RAVER2: variants seen among roughly 807,000 people sequenced by gnomAD.
RAVER2 encodes the protein ribonucleoprotein, PTB binding 2.
RAVER2 carries 46 observed loss-of-function variants against 78.1 expected under a neutral mutation model. The ratio of observed to expected loss-of-function variants is 0.59; its 90% CI spans 0.46 to 0.75. The LOEUF (loss-of-function observed/expected upper bound fraction) is 0.75, where lower values mean the gene tolerates loss of function less well. RAVER2 is among the 30% of genes least tolerant of loss of function. RAVER2 has a pLI of 0.00. For synonymous variants in RAVER2, 311 were observed against 313.3 expected, an observed-to-expected ratio of 0.99 and a Z score of 0.08; for missense variants, 793 against 837.5, an observed-to-expected ratio of 0.95 and a Z score of 0.66.
chr1:64,762,344 C>T (rs961802496), intron 1 of RAVER2, among the ~76,000 whole-genome samples: 1 of 150,658 alleles, frequency 6.6e-6, no homozygotes, highest in Non-Finnish European at 1.5e-5. Context: ...TCAGTTGTTC[C>T]CAAACTGATC....
intron 1 of RAVER2, among the ~76,000 whole-genome samples, chr1:64,747,534 CAG>C (rs1165963301): frequency 6.7e-6 from 1 of 149,350 alleles, no homozygotes; most frequent in Non-Finnish European, 1.5e-5. Context: ...TTTTCTGAGA[CAG>C]AGTCTCGCTC....
At chr1:64,764,463 A>G (rs187051103) in intron 1 of RAVER2, among the ~76,000 whole-genome samples, 1 of 152,300 alleles carries the variant, frequency 6.6e-6, no homozygotes, top group African/African-American at 2.4e-5. Flanking sequence ...TGATTGAAAG[A>G]TGAAATAAGA....
chr1:64,745,483 A>G lies in RAVER2; in HGVS notation c.249+62A>G. On this transcript the variant is annotated intron_variant, in intron 1 of 11. Coordinates refer to ENST00000294428, the Ensembl canonical transcript of RAVER2. The surrounding 1 kb of genome is among the most constrained non-coding windows in gnomAD (Gnocchi z 4.3). The stretch of plus-strand genomic sequence containing the variant: ...GGCGGCGGGGCGGCGCTCCGTGTCC[A>G]GGCTGGGATCGGGGGCGCCTCAGAG... 6.9e-7 allele frequency: 1 copy of G among 1,454,462 alleles called. No homozygotes were observed. Among genetic ancestry groups the G allele is most frequent in the Non-Finnish European group, 9.2e-7 (1 of 1,089,892 alleles). 90.1% of individuals were successfully genotyped at this position (1,454,462 alleles called of 1,614,324 possible). A position where few individuals can be genotyped will look rare whatever the true frequency, so the allele number is the denominator to read the frequency against.
intron 9 of RAVER2, among the ~76,000 whole-genome samples, chr1:64,808,669 C>A (rs2100880292): frequency 6.6e-6 from 1 of 152,022 alleles, no homozygotes; most frequent in East Asian, 1.9e-4. Flanking sequence ...ACCATGTTGG[C>A]CAGACTGGTC....
Position 64,751,763 on chromosome 1 carries a change from TATTTTTA to T in RAVER2, c.249+6354_249+6360del, listed in dbSNP as rs201590752. Among the ~76,000 whole-genome samples, 29 of 152,160 alleles carry T rather than the reference TATTTTTA, an allele frequency of 1.9e-4. No homozygotes were observed. The East Asian group carries it at 5.6e-3, about 29-fold the overall frequency. On this transcript the variant is annotated intron_variant, in intron 1 of 11. Coordinates refer to ENST00000294428, the Ensembl canonical transcript of RAVER2. ...AAATCTTTACTTTATTTTGTAAATT[TATTTTTA>T]ATTTTTAATTTAATTTTTTTAAAAA... is the stretch of plus-strand genomic sequence containing the variant.
chr1:64,749,791 A>AT (rs1312599675), intron 1 of RAVER2, among the ~76,000 whole-genome samples: 1 of 151,988 alleles, frequency 6.6e-6, no homozygotes, highest in African/African-American at 2.4e-5. Context: ...ATGTTTTAAT[A>AT]TTTTTTCTAA....
intron 1 of RAVER2, among the ~76,000 whole-genome samples, chr1:64,749,592 A>T (rs993981090): frequency 6.6e-6 from 1 of 152,186 alleles, no homozygotes; most frequent in Non-Finnish European, 1.5e-5. Flanking sequence ...TTGAATATTT[A>T]TAGTTATATC....
At chr1:64,822,716 T>A (rs1653917448) in intron 11 of RAVER2, among the ~76,000 whole-genome samples, 1 of 152,218 alleles carries the variant, frequency 6.6e-6, no homozygotes, top group South Asian at 2.1e-4. Context: ...AACTTGTGTC[T>A]GTACACAAAT....
exon 4 of RAVER2, chr1:64,781,455 G>A (rs777924952): frequency 1.2e-6 from 2 of 1,613,990 alleles, no homozygotes; most frequent in Non-Finnish European, 1.7e-6. Flanking sequence ...GGCTGAAGAG[G>A]TCCAGCAGGC....
intron 4 of RAVER2, 136 bp downstream of exon 4, chr1:64,781,707 CT>C (rs1236060371): frequency 4.1e-5 from 37 of 902,210 alleles, no homozygotes; most frequent in South Asian, 6.8e-5. Context: ...AAGACTTTTC[CT>C]TTTTTTTAAA....
At chr1:64,804,964 G>A in intron 7 of RAVER2, 27 bp from the exon 8 acceptor site, 1 of 1,604,690 alleles carries the variant, frequency 6.2e-7, no homozygotes. Flanking sequence ...ATGGCCATGG[G>A]TCTTACCTTT....
intron 2 of RAVER2, among the ~76,000 whole-genome samples, chr1:64,771,093 GA>G (rs1241774237): frequency 6.6e-6 from 1 of 151,884 alleles, no homozygotes; most frequent in Non-Finnish European, 1.5e-5. Flanking sequence ...AAAGCATGAG[GA>G]AAACTACAGT....
exon 12 of RAVER2, chr1:64,831,043 G>A (rs536823148): frequency 2.5e-5 from 38 of 1,520,858 alleles, no homozygotes; most frequent in East Asian, 1.9e-4. Flanking sequence ...GCTGTTCATC[G>A]CTGCCTTAAC....
At chr1:64,798,755 AAAATT>A (rs768358242) in intron 5 of RAVER2, among the ~76,000 whole-genome samples, 225 of 152,328 alleles carry the variant, frequency 1.5e-3, no homozygotes, top group Non-Finnish European at 2.6e-3. Flanking sequence ...GAATTTGAAA[AAAATT>A]AACTCCTCCA....
rs557561584 is a variant in RAVER2, at chr1:64,749,454, G to C, written c.249+4033G>C. Among the ~76,000 whole-genome samples the C allele has an allele frequency of 2.6e-5, 4 of 151,808 alleles. No homozygotes were observed. In the East Asian group the frequency reaches 7.8e-4, roughly 30 times the overall value. On this transcript the variant is annotated intron_variant, in intron 1 of 11. Transcript: ENST00000294428. ...TCGAATGCCTGACCTCAGGTGATCT[G>C]CCCGCCTCGGCCTCCCAAAGTGCTG... is the stretch of plus-strand genomic sequence containing the variant.
At chr1:64,777,831 T>C (rs770742194) in exon 3 of RAVER2, 6 of 1,614,116 alleles carry the variant, frequency 3.7e-6, no homozygotes, top group Non-Finnish European at 5.1e-6. Flanking sequence ...TTCTGGTCTA[T>C]AGTGAAGTTA....
intron 5 of RAVER2, among the ~76,000 whole-genome samples, chr1:64,790,199 C>T (rs1652897375): frequency 6.6e-6 from 1 of 152,158 alleles, no homozygotes; most frequent in East Asian, 1.9e-4. Flanking sequence ...TAGTTACCTG[C>T]AGTCTGAAAA....
intron 3 of RAVER2, among the ~76,000 whole-genome samples, 193 bp downstream of exon 3, chr1:64,778,285 T>C (rs1652529629): frequency 6.6e-6 from 1 of 152,134 alleles, no homozygotes; most frequent in African/African-American, 2.4e-5. Context: ...CAAAGTATGT[T>C]GTTATGTAGT....
intron 11 of RAVER2, among the ~76,000 whole-genome samples, chr1:64,824,613 G>C (rs184118949): frequency 1.3e-5 from 2 of 152,084 alleles, no homozygotes; most frequent in East Asian, 3.9e-4. Context: ...GTTAAAAACT[G>C]GAAGTAAGGA....
Sources: allele counts gnomAD v4.1 joint callset (sites outside exome capture counted in the v4.1 genomes callset), GRCh38; gene constraint gnomAD v4.1.1; non-coding constraint Gnocchi (gnomAD v3.1); transcripts MANE v1.5; gene names NCBI Gene and HGNC (gene_info 2026-07-23, HGNC 2026-07-21).